Variants in LRRC4C observed in about 807,000 individuals in gnomAD.
The protein encoded by LRRC4C is leucine-rich repeat-containing protein 4C.
Under a neutral mutation model 33.6 loss-of-function variants are expected in LRRC4C, and 5 were observed. The ratio of observed to expected loss-of-function variants is 0.15; its 90% CI spans 0.08 to 0.31. The LOEUF is 0.31. LRRC4C is among the 10% of genes least tolerant of loss of function. The probability of loss-of-function intolerance (pLI) is 1.00; values close to 1 mark genes in which losing one functional copy is unlikely to be tolerated. For synonymous variants in LRRC4C, 329 were observed against 302.0 expected (o/e 1.09, Z -0.93); for missense variants, 560 against 796.7 (o/e 0.70, Z 3.58).
At chr11:40,999,922 G>A (rs1469643094) in intron 1 of LRRC4C, among the ~76,000 whole-genome samples, 1 of 152,088 alleles carries the variant, frequency 6.6e-6, no homozygotes, top group Non-Finnish European at 1.5e-5. Flanking sequence ...AGGCAACAAA[G>A]AGGACGCTAC....
At chr11:40,790,691 G>A (rs1373632201) in intron 2 of LRRC4C, among the ~76,000 whole-genome samples, 1 of 152,136 alleles carries the variant, frequency 6.6e-6, no homozygotes, top group Non-Finnish European at 1.5e-5. Flanking sequence ...ATCTTTCAGG[G>A]ACTAGATCCT....
intron 1 of LRRC4C, among the ~76,000 whole-genome samples, chr11:41,399,774 G>C (rs1486709634): frequency 6.6e-6 from 1 of 151,956 alleles, no homozygotes; most frequent in East Asian, 1.9e-4. Context: ...GCAGATGGCT[G>C]ATTCTTAATG....
chr11:41,185,346 C>A (rs1045674211), intron 1 of LRRC4C, among the ~76,000 whole-genome samples: 1 of 151,608 alleles, frequency 6.6e-6, no homozygotes, highest in Non-Finnish European at 1.5e-5. Context: ...AGAGATCCAC[C>A]CAAAGCAAAA....
intron 3 of LRRC4C, among the ~76,000 whole-genome samples, chr11:40,425,311 A>T (rs182952457): frequency 3.2e-4 from 48 of 152,278 alleles, no homozygotes; most frequent in Non-Finnish European, 5.3e-4. Context: ...CTATAAAAGG[A>T]TCAGCCTCTA....
chr11:40,908,027 C>A (rs1160647083), intron 2 of LRRC4C, among the ~76,000 whole-genome samples: 3 of 152,142 alleles, frequency 2.0e-5, no homozygotes, highest in African/African-American at 7.2e-5. Flanking sequence ...ATCAGACACA[C>A]AACTTCAGTT....
intron 3 of LRRC4C, among the ~76,000 whole-genome samples, chr11:40,543,507 A>C (rs2135400573): frequency 6.6e-6 from 1 of 152,248 alleles, no homozygotes; most frequent in East Asian, 1.9e-4. Flanking sequence ...CCATTCACTG[A>C]ATTGAAATAC....
intron 1 of LRRC4C, among the ~76,000 whole-genome samples, chr11:41,237,932 A>G (rs775183103): frequency 3.9e-5 from 6 of 152,096 alleles, no homozygotes; most frequent in Non-Finnish European, 8.8e-5. Context: ...CAAGACTTTT[A>G]TATTCTTACC....
At chr11:41,380,900 TTTCTC>T (rs1164231378) in intron 1 of LRRC4C, among the ~76,000 whole-genome samples, 1 of 152,166 alleles carries the variant, frequency 6.6e-6, no homozygotes, top group Non-Finnish European at 1.5e-5. Flanking sequence ...AACCTACTCT[TTTCTC>T]TGAAGACTCC....
chr11:40,932,980 A>G (rs1180303194), intron 2 of LRRC4C, among the ~76,000 whole-genome samples: 4 of 152,178 alleles, frequency 2.6e-5, no homozygotes, highest in African/African-American at 9.6e-5. Flanking sequence ...ATACAAATAA[A>G]TATTAACTGG....
intron 1 of LRRC4C, among the ~76,000 whole-genome samples, chr11:41,269,050 A>G (rs11036330): frequency 0.045 from 6,921 of 152,212 alleles, 201 homozygotes; most frequent in South Asian, 0.074. Context: ...TCAAATTATT[A>G]GGTTATACTA....
At chr11:40,407,391 T>C (rs1298105701) in intron 3 of LRRC4C, among the ~76,000 whole-genome samples, 3 of 152,068 alleles carry the variant, frequency 2.0e-5, no homozygotes, top group African/African-American at 7.2e-5. Flanking sequence ...GTTGATTTGA[T>C]TGATTTAGGT....
At chr11:40,816,384 C>A (rs1426027102) in intron 2 of LRRC4C, among the ~76,000 whole-genome samples, 1 of 152,126 alleles carries the variant, frequency 6.6e-6, no homozygotes. Context: ...AAACCAAAAC[C>A]AGCTGTCCTA....
At chr11:41,001,866 T>C (rs1300797721) in intron 1 of LRRC4C, among the ~76,000 whole-genome samples, 1 of 39,832 alleles carries the variant, frequency 2.5e-5, no homozygotes, top group African/African-American at 5.6e-5. Flanking sequence ...CTGTGACATT[T>C]TTTTTTTTTT....
intron 1 of LRRC4C, among the ~76,000 whole-genome samples, chr11:41,446,917 G>C (rs760602156): frequency 1.7e-4 from 26 of 152,248 alleles, no homozygotes; most frequent in Admixed American, 3.3e-4. Flanking sequence ...AGTCCTTACA[G>C]AGTAAAGAGC....
intron 3 of LRRC4C, among the ~76,000 whole-genome samples, chr11:40,605,134 T>A (rs1236958636): frequency 2.0e-5 from 3 of 151,822 alleles, no homozygotes; most frequent in Admixed American, 2.0e-4. Flanking sequence ...AAATTGAGGG[T>A]GAGAGATTTA....
intron 1 of LRRC4C, among the ~76,000 whole-genome samples, chr11:41,305,930 AT>A (rs1367087342): frequency 2.0e-3 from 293 of 149,218 alleles, no homozygotes; most frequent in Non-Finnish European, 3.5e-3. Context: ...AAATAATAAA[AT>A]AAAATAAATA....
At chr11:41,341,819 C>G (rs1951648486) in intron 1 of LRRC4C, among the ~76,000 whole-genome samples, 1 of 152,218 alleles carries the variant, frequency 6.6e-6, no homozygotes, top group Admixed American at 6.5e-5. Flanking sequence ...TCTCTATCTT[C>G]TCAGCAGAGA....
At chr11:40,610,215 A>C (rs1961064809) in intron 3 of LRRC4C, among the ~76,000 whole-genome samples, 1 of 151,982 alleles carries the variant, frequency 6.6e-6, no homozygotes, top group South Asian at 2.1e-4. Flanking sequence ...TGGAGTACCA[A>C]GATAGTTCAA....
intron 1 of LRRC4C, among the ~76,000 whole-genome samples, chr11:41,366,558 TTAAA>T (rs909594917): frequency 1.3e-5 from 2 of 152,142 alleles, no homozygotes; most frequent in African/African-American, 2.4e-5. Context: ...TTTAAAAAAG[TTAAA>T]TAGAGATATT....
Sources: allele counts gnomAD v4.1 joint callset (sites outside exome capture counted in the v4.1 genomes callset), GRCh38; gene constraint gnomAD v4.1.1; transcripts MANE v1.5; gene names NCBI Gene and HGNC (gene_info 2026-07-23, HGNC 2026-07-21).